Variants in ACYP2 observed in about 807,000 individuals in gnomAD.
ACYP2 encodes acylphosphatase-2.
Under a neutral mutation model 11.2 loss-of-function variants are expected in ACYP2, and 12 were observed. That is an observed-to-expected ratio of 1.08 (90% CI 0.69 to 1.74). The LOEUF (loss-of-function observed/expected upper bound fraction) is 1.74, where lower values mean the gene tolerates loss of function less well. ACYP2 is among the 40% of genes most tolerant of loss of function. The pLI is 0.00. For missense variants in ACYP2, 134 were observed against 101.9 expected, an observed-to-expected ratio of 1.31 and a Z score of -1.35; for synonymous variants, 43 against 32.2, an observed-to-expected ratio of 1.33 and a Z score of -1.13.
At chr2:54,239,787 G>C (rs979796024) in intron 6 of ACYP2, among the ~76,000 whole-genome samples, 4 of 152,076 alleles carry the variant, frequency 2.6e-5, no homozygotes, top group Admixed American at 1.3e-4. Context: ...CTAAATAGAG[G>C]GCTCAGTTGT....
intron 2 of ACYP2, among the ~76,000 whole-genome samples, chr2:54,042,298 G>A (rs554309320): frequency 1.3e-5 from 2 of 152,148 alleles, no homozygotes; most frequent in Non-Finnish European, 2.9e-5. Context: ...GAGCCACCAC[G>A]CCCAGCCCAA....
At position 54,283,532 on chromosome 2, in the gene ACYP2, G is replaced by T. The variant is rs570306622; in HGVS notation, c.405-21156G>T. ...CCCATTTTACTCAGATTAAGACCCT[G>T]AGACAGATTTAGAATCCCAGAGGTC... On this transcript the variant is annotated intron_variant, in intron 6 of 6. Transcript: ENST00000607452. Among the ~76,000 whole-genome samples the T allele has an allele frequency of 3.9e-5, 6 of 152,322 alleles. 1 individual carries two copies. Among genetic ancestry groups the T allele is most frequent in the African/African-American group, 1.4e-4 (6 of 41,576 alleles).
At chr2:54,180,460 A>G (rs1020893575) in intron 6 of ACYP2, among the ~76,000 whole-genome samples, 3 of 152,128 alleles carry the variant, frequency 2.0e-5, no homozygotes, top group East Asian at 1.9e-4. Flanking sequence ...GCATCAGTCA[A>G]TCATTAGCAT....
At chr2:54,136,708 G>T (rs1244568458) in intron 5 of ACYP2, among the ~76,000 whole-genome samples, 5 of 152,144 alleles carry the variant, frequency 3.3e-5, no homozygotes, top group African/African-American at 1.2e-4. Flanking sequence ...GGATGCAGTG[G>T]CTCGCGCCTG....
intron 6 of ACYP2, among the ~76,000 whole-genome samples, chr2:54,215,133 C>A (rs929118359): frequency 3.3e-5 from 5 of 152,248 alleles, no homozygotes; most frequent in African/African-American, 1.2e-4. Context: ...TTTATCAGAT[C>A]TAGGAACCTT....
intron 6 of ACYP2, among the ~76,000 whole-genome samples, chr2:54,273,711 C>T (rs1688418466): frequency 6.6e-6 from 1 of 152,136 alleles, no homozygotes. Context: ...GGTGATTCAC[C>T]TGCCTCGACC....
chr2:54,235,164 T>C (rs1208892529), intron 6 of ACYP2, among the ~76,000 whole-genome samples: 4 of 152,214 alleles, frequency 2.6e-5, no homozygotes, highest in African/African-American at 9.6e-5. Context: ...TTTCTAGTAA[T>C]GCCCTTCTCA....
chr2:54,273,754 G>A (rs1001080028), intron 6 of ACYP2, among the ~76,000 whole-genome samples: 2 of 152,128 alleles, frequency 1.3e-5, no homozygotes, highest in Admixed American at 6.5e-5. Flanking sequence ...ATGAGCCCTC[G>A]CACCTGGCCA....
Position 54,304,843 on chromosome 2 carries a change from T to A in ACYP2, c.*41T>A. The A allele has an allele frequency of 8.4e-7, 1 of 1,185,412 alleles. No homozygotes were observed. Among genetic ancestry groups the A allele is most frequent in the Non-Finnish European group, 1.2e-6 (1 of 807,718 alleles). The allele number at this position is 1,185,412 out of a possible 1,614,324, so 73.4% of individuals were successfully genotyped here. ...GTAACACACTGAACAATAGATACTG[T>A]ATGTTCTTAAGACTATGTATACTAG... On this transcript the variant is annotated 3_prime_UTR_variant, in exon 7 of 7. Coordinates refer to ENST00000607452, the MANE Select transcript of ACYP2 (RefSeq NM_001320586.2).
intron 6 of ACYP2, among the ~76,000 whole-genome samples, chr2:54,172,256 T>A (rs1683250786): frequency 6.6e-6 from 1 of 152,062 alleles, no homozygotes; most frequent in South Asian, 2.1e-4. Flanking sequence ...ACCATGGTCA[T>A]TAAAAAAATA....
chr2:54,248,223 G>A (rs1687049698), intron 6 of ACYP2, among the ~76,000 whole-genome samples: 1 of 152,112 alleles, frequency 6.6e-6, no homozygotes, highest in Non-Finnish European at 1.5e-5. Context: ...GGAATTATTT[G>A]GGCAACCATG....
chr2:54,258,763 T>C (rs1033250419), intron 6 of ACYP2, among the ~76,000 whole-genome samples: 7 of 152,192 alleles, frequency 4.6e-5, no homozygotes, highest in African/African-American at 1.7e-4. Context: ...GTAAATTGGC[T>C]ATGGGATCTC....
At chr2:54,131,225 A>T (rs183657226) in intron 4 of ACYP2, among the ~76,000 whole-genome samples, 8 of 152,348 alleles carry the variant, frequency 5.3e-5, no homozygotes, top group Admixed American at 5.2e-4. Flanking sequence ...TGAATAAAAT[A>T]TTACATCAAT....
At chr2:54,284,938 G>A (rs147708830) in intron 6 of ACYP2, among the ~76,000 whole-genome samples, 7 of 152,222 alleles carry the variant, frequency 4.6e-5, no homozygotes, top group South Asian at 2.1e-4. Flanking sequence ...GAGCATCTTC[G>A]TTTCTTCAGG....
chr2:53,977,661 G>A (rs1285470454), intron 2 of ACYP2, among the ~76,000 whole-genome samples: 1 of 151,554 alleles, frequency 6.6e-6, no homozygotes, highest in African/African-American at 2.4e-5. Context: ...CTTGAACCTG[G>A]GAGAGGGAGG....
At chr2:54,197,436 A>G (rs1448044338) in intron 6 of ACYP2, among the ~76,000 whole-genome samples, 1 of 152,196 alleles carries the variant, frequency 6.6e-6, no homozygotes, top group African/African-American at 2.4e-5. Context: ...TGAGCAGTAT[A>G]CACAAAGATC....
intron 2 of ACYP2, among the ~76,000 whole-genome samples, chr2:54,047,602 G>A (rs1675595921): frequency 6.6e-6 from 1 of 152,172 alleles, no homozygotes; most frequent in South Asian, 2.1e-4. Flanking sequence ...TTTGGGCTAA[G>A]TTAGGAATGA....
chr2:54,106,219 A>C (rs904865146), intron 4 of ACYP2, among the ~76,000 whole-genome samples: 1 of 152,142 alleles, frequency 6.6e-6, no homozygotes, highest in African/African-American at 2.4e-5. Flanking sequence ...AACCTTTTAA[A>C]GGTAAGATTT....
intron 5 of ACYP2, among the ~76,000 whole-genome samples, chr2:54,136,507 C>T (rs112061175): frequency 6.6e-6 from 1 of 152,082 alleles, no homozygotes; most frequent in Non-Finnish European, 1.5e-5. Context: ...CCCCAAAATT[C>T]AGATTGTCTC....
Sources: allele counts gnomAD v4.1 joint callset (sites outside exome capture counted in the v4.1 genomes callset), GRCh38; gene constraint gnomAD v4.1.1; transcripts MANE v1.5; gene names NCBI Gene and HGNC (gene_info 2026-07-23, HGNC 2026-07-21).